The following LRP1B variants were observed in gnomAD, a reference collection of about 807,000 sequenced individuals.
LRP1B encodes LDL receptor related protein 1B.
In LRP1B, 217 loss-of-function variants were observed where a neutral mutation model predicts 556.6. The ratio of observed to expected loss-of-function variants is 0.39; its 90% CI spans 0.35 to 0.44. LRP1B has a LOEUF of 0.44. Among genes scored for constraint, LRP1B ranks in the 20% least tolerant of loss-of-function variants. LRP1B has a pLI of 1.00. For missense variants in LRP1B, 5,053 were observed against 5,620.8 expected (o/e 0.90, Z 3.23); for synonymous variants, 2,047 against 1,865.8 (o/e 1.10, Z -2.50).
intron 1 of LRP1B, among the ~76,000 whole-genome samples, chr2:142,037,023 G>A (rs1369521443): frequency 1.3e-5 from 2 of 151,630 alleles, no homozygotes. Context: ...AGAGGACTAT[G>A]TGTAATTATG....
intron 1 of LRP1B, among the ~76,000 whole-genome samples, chr2:142,108,918 T>C (rs367828445): frequency 1.1e-4 from 17 of 152,180 alleles, no homozygotes; most frequent in African/African-American, 4.1e-4. Context: ...AGCTAAAATT[T>C]GCTCTGTAGA....
At chr2:140,577,093 C>T (rs957435266) in intron 43 of LRP1B, among the ~76,000 whole-genome samples, 1 of 152,090 alleles carries the variant, frequency 6.6e-6, no homozygotes, top group Non-Finnish European at 1.5e-5. Flanking sequence ...TGTTCCATCG[C>T]ACTCACTCTG....
intron 1 of LRP1B, among the ~76,000 whole-genome samples, chr2:141,975,450 A>T (rs1253409364): frequency 6.6e-6 from 1 of 152,068 alleles, no homozygotes; most frequent in Non-Finnish European, 1.5e-5. Context: ...CTCAATTTTC[A>T]GCAGGCGCTA....
At chr2:141,949,221 G>A (rs1302240387) in intron 1 of LRP1B, among the ~76,000 whole-genome samples, 1 of 152,028 alleles carries the variant, frequency 6.6e-6, no homozygotes, top group Non-Finnish European at 1.5e-5. Context: ...AAGTATGTAA[G>A]GGCTAGCTCT....
At chr2:142,033,980 G>A (rs1204824012) in intron 1 of LRP1B, among the ~76,000 whole-genome samples, 1 of 151,722 alleles carries the variant, frequency 6.6e-6, no homozygotes, top group Non-Finnish European at 1.5e-5. Context: ...GAAGCTCATT[G>A]TGTTTGCATT....
chr2:141,902,867 A>T (rs545700974), intron 1 of LRP1B, among the ~76,000 whole-genome samples: 158 of 152,148 alleles, frequency 1.0e-3, no homozygotes, highest in African/African-American at 3.6e-3. Flanking sequence ...CCAAAAAGAA[A>T]AAAATATATT....
At chr2:140,540,833 T>C in intron 45 of LRP1B, 140 bp downstream of exon 45, 1 of 976,662 alleles carries the variant, frequency 1.0e-6, no homozygotes, top group East Asian at 2.9e-5. Flanking sequence ...CTCGGTTTTC[T>C]TTAGAGCAGA....
At chr2:141,399,486 G>A (rs1048867075) in intron 3 of LRP1B, among the ~76,000 whole-genome samples, 1 of 151,984 alleles carries the variant, frequency 6.6e-6, no homozygotes, top group Non-Finnish European at 1.5e-5. Context: ...TTCCCCCAGC[G>A]GCTACATCCC....
In LRP1B at chr2:140,702,520, G is replaced by T. The variant is rs2105430732; in HGVS notation, c.6057C>A (p.Pro2019=). 6.2e-7 allele frequency: 1 copy of T among 1,613,308 alleles called. No homozygotes were observed. The highest frequency in any genetic ancestry group is 8.5e-7 in the Non-Finnish European group (1 of 1,179,558). The change falls in exon 38 of 91, where the codon CCC becomes CCA. Residue 2019 remains proline, a synonymous_variant. Transcript: ENST00000389484. The stretch of plus-strand genomic sequence containing the variant: ...CATCCAAGCGAGCCTTTCCAATACA[G>T]GGCATTTGTCCCCATTCAGTCCAGA... The part of the protein sequence containing the change: ...LLFWTEWGQM[P]CIGKARLDGS...
chr2:140,465,018 G>C (rs116262687), intron 60 of LRP1B, among the ~76,000 whole-genome samples: 7,188 of 152,192 alleles, frequency 0.047, 246 homozygotes, highest in Non-Finnish European at 0.055. Context: ...CTGAGACTGG[G>C]TAATTTATAA....
At chr2:140,578,642 A>T (rs1244459700) in intron 43 of LRP1B, among the ~76,000 whole-genome samples, 1 of 152,172 alleles carries the variant, frequency 6.6e-6, no homozygotes, top group Admixed American at 6.5e-5. Context: ...ACCACTTTCA[A>T]AAATGAGTTA....
At position 140,685,038 on chromosome 2, in the gene LRP1B, C is replaced by A. The variant is rs570213071; in HGVS notation, c.6799+15212G>T. ...AATTTTAAAAAATCTCCTATAGTGTCCATAGCATGTATCAGTCATGTGCAA... is the reference window on the plus strand; with the variant it reads ...AATTTTAAAAAATCTCCTATAGTGTACATAGCATGTATCAGTCATGTGCAA... On this transcript the variant is annotated intron_variant, in intron 41 of 90. Transcript: ENST00000389484. Among the ~76,000 whole-genome samples the A allele has an allele frequency of 2.5e-4, 38 of 152,214 alleles. No individual in the cohort carries two copies. In the South Asian group the frequency reaches 7.9e-3, roughly 32 times the overall value.
chr2:141,113,343 G>A (rs1700801295), intron 7 of LRP1B, among the ~76,000 whole-genome samples: 2 of 151,972 alleles, frequency 1.3e-5, no homozygotes, highest in Admixed American at 1.3e-4. Context: ...CCACTAAAAA[G>A]CTTTCTTAAA....
At chr2:141,080,929 G>T (rs1211780861) in intron 7 of LRP1B, among the ~76,000 whole-genome samples, 2 of 152,160 alleles carry the variant, frequency 1.3e-5, no homozygotes, top group South Asian at 4.1e-4. Flanking sequence ...TACCCACCTT[G>T]TATAGGCTGC....
intron 35 of LRP1B, among the ~76,000 whole-genome samples, chr2:140,736,243 C>T (rs1328249453): frequency 6.6e-6 from 1 of 152,112 alleles, no homozygotes; most frequent in Non-Finnish European, 1.5e-5. Context: ...ACATGCCATT[C>T]ACTAGGGCTG....
At chr2:141,308,433 G>T (rs544632537) in intron 3 of LRP1B, among the ~76,000 whole-genome samples, 3 of 152,202 alleles carry the variant, frequency 2.0e-5, no homozygotes, top group Non-Finnish European at 4.4e-5. Flanking sequence ...GATAACAAAA[G>T]TTATCAGAAA....
chr2:141,460,555 T>C (rs962431593), intron 3 of LRP1B, among the ~76,000 whole-genome samples: 5 of 152,160 alleles, frequency 3.3e-5, no homozygotes, highest in East Asian at 1.9e-4. Flanking sequence ...AAAGTAATGC[T>C]ATGTCCTGAT....
chr2:140,771,034 T>G, intron 33 of LRP1B, 28 bp from the exon 34 acceptor site: 1 of 1,529,910 alleles, frequency 6.5e-7, no homozygotes, highest in Non-Finnish European at 8.8e-7. Context: ...GAAACAAATT[T>G]CTTTAATGAA....
At chr2:142,037,575 A>T (rs996888880) in intron 1 of LRP1B, among the ~76,000 whole-genome samples, 1 of 151,620 alleles carries the variant, frequency 6.6e-6, no homozygotes, top group African/African-American at 2.4e-5. Context: ...CAGGATCCAT[A>T]AGCTATTCCT....
Sources: gnomAD v4.1 joint callset for allele counts (sites outside exome capture counted in the v4.1 genomes callset) on GRCh38, gnomAD v4.1.1 for gene constraint, MANE v1.5 for transcripts, NCBI Gene and HGNC (gene_info 2026-07-23, HGNC 2026-07-21) for gene names.